The following CCBE1 variants were observed in gnomAD, a reference collection of about 807,000 sequenced individuals.
CCBE1 encodes the protein collagen and calcium binding EGF domains 1, also known as collagen and calcium-binding EGF domain-containing protein 1.
A neutral mutation model predicts 50.0 loss-of-function variants in CCBE1; 37 were observed. The observed-to-expected ratio is 0.74, with a 90% confidence interval of 0.57 to 0.97. The LOEUF is 0.97. Among genes scored for constraint, CCBE1 ranks in the 50% least tolerant of loss-of-function variants. The probability of loss-of-function intolerance (pLI) is 0.00; values close to 1 mark genes in which losing one functional copy is unlikely to be tolerated. For missense variants in CCBE1, 538 were observed against 523.8 expected (o/e 1.03, Z -0.26); for synonymous variants, 234 against 203.7 (o/e 1.15, Z -1.27).
intron 2 of CCBE1, among the ~76,000 whole-genome samples, chr18:59,542,509 A>G (rs1915509531): frequency 6.6e-6 from 1 of 152,264 alleles, no homozygotes; most frequent in African/African-American, 2.4e-5. Flanking sequence ...GAATTCCTGT[A>G]ATAGATCAGA....
chr18:59,620,368 A>C (rs928040202), intron 2 of CCBE1, among the ~76,000 whole-genome samples: 3 of 152,114 alleles, frequency 2.0e-5, no homozygotes, highest in African/African-American at 7.2e-5. Flanking sequence ...GAAAAGGGGA[A>C]ATTTGCAGGG....
At chr18:59,611,428 G>A (rs1197078719) in intron 2 of CCBE1, among the ~76,000 whole-genome samples, 1 of 152,208 alleles carries the variant, frequency 6.6e-6, no homozygotes, top group Non-Finnish European at 1.5e-5. Flanking sequence ...GCCCACACAT[G>A]AGTGAAGCAG....
intron 2 of CCBE1, among the ~76,000 whole-genome samples, chr18:59,521,671 C>T (rs979635404): frequency 9.9e-5 from 15 of 152,126 alleles, no homozygotes; most frequent in Non-Finnish European, 4.4e-5. Context: ...AATCAGATAT[C>T]GCCATTGGCC....
intron 10 of CCBE1, 40 bp downstream of exon 10, chr18:59,438,071 A>G (rs1398735113): frequency 1.9e-6 from 3 of 1,611,230 alleles, no homozygotes; most frequent in Non-Finnish European, 2.5e-6. Context: ...CATCCCTGAG[A>G]ACGTTCCCCT....
At chr18:59,477,081 G>T (rs1451493778) in intron 3 of CCBE1, among the ~76,000 whole-genome samples, 1 of 152,226 alleles carries the variant, frequency 6.6e-6, no homozygotes, top group Non-Finnish European at 1.5e-5. Flanking sequence ...AAATTAAGGT[G>T]CCACCTGGCT....
chr18:59,521,804 T>G (rs965697664), intron 2 of CCBE1, among the ~76,000 whole-genome samples: 2 of 152,226 alleles, frequency 1.3e-5, no homozygotes, highest in Non-Finnish European at 2.9e-5. Context: ...AGAAATTCAT[T>G]GAACTTGGTG....
chr18:59,444,743 T>A (rs1397271732), intron 7 of CCBE1, among the ~76,000 whole-genome samples: 1 of 152,124 alleles, frequency 6.6e-6, no homozygotes, highest in Non-Finnish European at 1.5e-5. Flanking sequence ...ATAGTGGCCA[T>A]CCTAATGGGT....
intron 2 of CCBE1, among the ~76,000 whole-genome samples, chr18:59,619,208 G>A (rs549931554): frequency 6.6e-6 from 1 of 152,200 alleles, no homozygotes; most frequent in African/African-American, 2.4e-5. Flanking sequence ...ATTTTAAAAC[G>A]TTTTATTTTT....
chr18:59,642,148 T>A (rs1293536690), intron 2 of CCBE1, among the ~76,000 whole-genome samples: 1 of 151,800 alleles, frequency 6.6e-6, no homozygotes, highest in African/African-American at 2.4e-5. Context: ...CTGTAAAGAA[T>A]CAATGAATCA....
chr18:59,669,408 GCTCCTTGGCTTC>G (rs2054402612), intron 2 of CCBE1, among the ~76,000 whole-genome samples: 1 of 152,194 alleles, frequency 6.6e-6, no homozygotes, highest in African/African-American at 2.4e-5. Flanking sequence ...CTGACCAACA[GCTCCTTGGCTTC>G]CTCCTTGAAT....
chr18:59,448,150 G>T, intron 6 of CCBE1, 47 bp from the exon 7 acceptor site: 1 of 1,611,566 alleles, frequency 6.2e-7, no homozygotes, highest in Non-Finnish European at 8.5e-7. Context: ...TGGCAGAAGA[G>T]AGCCTCGGCA....
At chr18:59,661,429 G>T (rs993327956) in intron 2 of CCBE1, among the ~76,000 whole-genome samples, 7 of 152,168 alleles carry the variant, frequency 4.6e-5, no homozygotes, top group Admixed American at 1.3e-4. Flanking sequence ...TGACTGTTCT[G>T]ATGCCAGACA....
chr18:59,697,622 C>T (rs1280726952), upstream of CCBE1: 3 of 440,422 alleles, frequency 6.8e-6, no homozygotes, highest in East Asian at 1.4e-4. Context: ...CAAGTTGTCT[C>T]GTCGGGACGT....
intron 2 of CCBE1, among the ~76,000 whole-genome samples, chr18:59,499,168 C>G (rs1250334950): frequency 6.6e-6 from 1 of 152,110 alleles, no homozygotes; most frequent in Admixed American, 6.5e-5. Context: ...GAAATGGACA[C>G]CATAAGAAGA....
intron 2 of CCBE1, among the ~76,000 whole-genome samples, chr18:59,567,258 C>T (rs762746169): frequency 4.0e-5 from 6 of 151,798 alleles, no homozygotes; most frequent in Non-Finnish European, 8.8e-5. Flanking sequence ...AGCTGGGAGG[C>T]TACCATACCC....
intron 2 of CCBE1, among the ~76,000 whole-genome samples, chr18:59,614,024 C>A (rs1030495638): frequency 2.0e-5 from 3 of 152,040 alleles, no homozygotes; most frequent in Non-Finnish European, 4.4e-5. Flanking sequence ...CAGGTGCACA[C>A]TTGAGGTGGA....
At chr18:59,456,555 T>TA (rs1320417824) in intron 5 of CCBE1, among the ~76,000 whole-genome samples, 1 of 152,206 alleles carries the variant, frequency 6.6e-6, no homozygotes, top group Non-Finnish European at 1.5e-5. Context: ...CGGAATGGAT[T>TA]GTCCTGCATA....
At chr18:59,447,937 C>A in intron 7 of CCBE1, 46 bp downstream of exon 7, 1 of 1,612,820 alleles carries the variant, frequency 6.2e-7, no homozygotes, top group South Asian at 1.1e-5. Context: ...TTTTGGCAGG[C>A]TTTTTCTGTT....
At chr18:59,497,814 C>T (rs565066448) in intron 2 of CCBE1, among the ~76,000 whole-genome samples, 1 of 152,164 alleles carries the variant, frequency 6.6e-6, no homozygotes, top group Non-Finnish European at 1.5e-5. Flanking sequence ...CATGAGGCAA[C>T]GCTCCTGCCC....
Sources: allele counts gnomAD v4.1 joint callset (sites outside exome capture counted in the v4.1 genomes callset), GRCh38; gene constraint gnomAD v4.1.1; transcripts MANE v1.5; gene names NCBI Gene and HGNC (gene_info 2026-07-23, HGNC 2026-07-21).